CNTN5: variants seen among roughly 807,000 people sequenced by gnomAD.
The protein encoded by CNTN5 is contactin-5.
CNTN5 carries 77 observed loss-of-function variants against 129.1 expected under a neutral mutation model. That is an observed-to-expected ratio of 0.60 (90% CI 0.50 to 0.72). The LOEUF (loss-of-function observed/expected upper bound fraction) is 0.72. Among genes scored for constraint, CNTN5 ranks in the 30% least tolerant of loss-of-function variants. The pLI is 0.00. For synonymous variants in CNTN5, 509 were observed against 465.6 expected, an observed-to-expected ratio of 1.09 and a Z score of -1.20; for missense variants, 1,478 against 1,328.8, an observed-to-expected ratio of 1.11 and a Z score of -1.75.
rs1355311341 is a variant in CNTN5 at position 99,810,879 on chromosome 11, G to GT, written c.56-8658dup. On this transcript the variant is annotated intron_variant, in intron 3 of 24. Coordinates refer to ENST00000524871, the MANE Select transcript of CNTN5 (RefSeq NM_014361.4). ...CAGGCTTGGATATTGTATGTCTTCT[G>GT]TTTTTTTCTGTATACTCTGTCATGA... Among the ~76,000 whole-genome samples the GT allele has an allele frequency of 2.6e-5, 4 of 152,012 alleles. No individual in the cohort carries two copies. The East Asian group carries it at 5.8e-4, about 22-fold the overall frequency.
At chr11:99,545,206 T>C (rs758984852) in intron 2 of CNTN5, among the ~76,000 whole-genome samples, 1 of 152,204 alleles carries the variant, frequency 6.6e-6, no homozygotes, top group Non-Finnish European at 1.5e-5. Flanking sequence ...TGTATATGAC[T>C]CCTAAGGGTA....
intron 9 of CNTN5, among the ~76,000 whole-genome samples, chr11:100,009,533 C>T (rs981527571): frequency 1.3e-5 from 2 of 152,014 alleles, no homozygotes; most frequent in South Asian, 4.1e-4. Context: ...CAAGAGATTG[C>T]TCACAAGCTG....
intron 3 of CNTN5, among the ~76,000 whole-genome samples, chr11:99,565,553 C>T (rs1010653662): frequency 1.3e-5 from 2 of 152,098 alleles, no homozygotes; most frequent in Non-Finnish European, 2.9e-5. Context: ...GGAACCTTGT[C>T]CCTTGCTATT....
chr11:99,158,952 C>T (rs1352093063), intron 1 of CNTN5, among the ~76,000 whole-genome samples: 1 of 152,076 alleles, frequency 6.6e-6, no homozygotes, highest in African/African-American at 2.4e-5. Context: ...ATAATTCATT[C>T]TTATTACACC....
At chr11:99,315,732 T>C (rs1865311412) in intron 1 of CNTN5, among the ~76,000 whole-genome samples, 1 of 149,292 alleles carries the variant, frequency 6.7e-6, no homozygotes, top group African/African-American at 2.4e-5. Context: ...AGTTTTAGAA[T>C]GTAAATCGCG....
intron 7 of CNTN5, among the ~76,000 whole-genome samples, chr11:99,928,090 G>A (rs1165115644): frequency 6.6e-6 from 1 of 152,178 alleles, no homozygotes; most frequent in Admixed American, 6.5e-5. Flanking sequence ...AAATCTTAAA[G>A]GTTCAAAATG....
chr11:99,280,499 G>GA (rs925464114), intron 1 of CNTN5, among the ~76,000 whole-genome samples: 1 of 150,988 alleles, frequency 6.6e-6, no homozygotes, highest in East Asian at 1.9e-4. Flanking sequence ...GGTTTGACTA[G>GA]AAAAAAATTC....
At chr11:99,891,907 C>A (rs1340215952) in intron 6 of CNTN5, among the ~76,000 whole-genome samples, 2 of 152,208 alleles carry the variant, frequency 1.3e-5, no homozygotes, top group African/African-American at 2.4e-5. Context: ...AATCACCACA[C>A]TGTCTTCCAC....
intron 1 of CNTN5, among the ~76,000 whole-genome samples, chr11:99,233,226 A>T (rs1214421262): frequency 6.6e-6 from 1 of 152,198 alleles, no homozygotes; most frequent in African/African-American, 2.4e-5. Flanking sequence ...ACCCAGATAA[A>T]TATGCCATTC....
chr11:99,687,283 A>G lies in CNTN5; in HGVS notation c.55+131014A>G, dbSNP rs767558432. ...AACCCACAGAGACGCTTAATATTATATTAACAAGGTCAATATAATACCTCT... is the reference window on the plus strand; with the variant it reads ...AACCCACAGAGACGCTTAATATTATGTTAACAAGGTCAATATAATACCTCT... On this transcript the variant is annotated intron_variant, in intron 3 of 24. Coordinates refer to ENST00000524871, the MANE Select transcript of CNTN5 (RefSeq NM_014361.4). Among the ~76,000 whole-genome samples, 78 of 152,276 alleles carry G rather than the reference A, an allele frequency of 5.1e-4. 1 individual carries two copies. Among genetic ancestry groups the G allele is most frequent in the Non-Finnish European group, 2.5e-4 (17 of 68,002 alleles).
At chr11:99,885,684 A>G (rs1948883613) in intron 6 of CNTN5, among the ~76,000 whole-genome samples, 1 of 152,200 alleles carries the variant, frequency 6.6e-6, no homozygotes, top group African/African-American at 2.4e-5. Flanking sequence ...CATAATAATA[A>G]CATTTTTGTA....
At chr11:100,062,625 CAG>C (rs1000033507) in intron 10 of CNTN5, among the ~76,000 whole-genome samples, 38 of 152,132 alleles carry the variant, frequency 2.5e-4, no homozygotes, top group African/African-American at 9.2e-4. Flanking sequence ...TGTGGGAATG[CAG>C]AGTCTACTGC....
chr11:99,288,970 A>C (rs1056140371), intron 1 of CNTN5, among the ~76,000 whole-genome samples: 7 of 151,808 alleles, frequency 4.6e-5, no homozygotes, highest in African/African-American at 1.7e-4. Context: ...ATCCTCACAG[A>C]GCTATCATAA....
chr11:99,158,486 C>G (rs971362247), intron 1 of CNTN5, among the ~76,000 whole-genome samples: 1 of 152,054 alleles, frequency 6.6e-6, no homozygotes, highest in East Asian at 1.9e-4. Context: ...TTTGAGATAT[C>G]TGTTTTATTA....
chr11:99,398,908 C>T (rs7950817), intron 2 of CNTN5, among the ~76,000 whole-genome samples: 151,785 of 151,942 alleles, frequency 1, 75,815 homozygotes, highest in Non-Finnish European at 1. Flanking sequence ...AAAATCACAC[C>T]GTATCTGCTA....
At chr11:100,194,015 A>G (rs529870056) in intron 15 of CNTN5, among the ~76,000 whole-genome samples, 90 of 152,074 alleles carry the variant, frequency 5.9e-4, no homozygotes, top group African/African-American at 2.1e-3. Context: ...AATAAATAAA[A>G]TGCCTGCCTG....
At chr11:99,228,178 T>C (rs535539881) in intron 1 of CNTN5, among the ~76,000 whole-genome samples, 5 of 152,268 alleles carry the variant, frequency 3.3e-5, no homozygotes, top group Admixed American at 6.5e-5. Flanking sequence ...TGTATGAATA[T>C]GTGAACTTTT....
Position 99,332,101 on chromosome 11 carries a change from GCTAA to G in CNTN5, c.-71+6620_-71+6623del, listed in dbSNP as rs545633092. Among the ~76,000 whole-genome samples the G allele has an allele frequency of 8.9e-4, 135 of 152,144 alleles. 1 individual carries two copies. Among genetic ancestry groups the G allele is most frequent in the African/African-American group, 3.1e-3 (130 of 41,532 alleles). Reference sequence around the variant, plus strand: ...TGGGGTGATTTGTTATATAGCAATAGCTAACTGATAGAACTATTATTCACAAAAT... The same window carrying G: ...TGGGGTGATTTGTTATATAGCAATAGCTGATAGAACTATTATTCACAAAAT... On this transcript the variant is annotated intron_variant, in intron 2 of 24. Coordinates refer to ENST00000524871, the MANE Select transcript of CNTN5 (RefSeq NM_014361.4).
At chr11:99,190,980 C>T (rs1460293151) in intron 1 of CNTN5, among the ~76,000 whole-genome samples, 1 of 151,470 alleles carries the variant, frequency 6.6e-6, no homozygotes, top group East Asian at 1.9e-4. Context: ...GCTGTGTTTA[C>T]CATATATATT....
Sources: allele counts gnomAD v4.1 joint callset (sites outside exome capture counted in the v4.1 genomes callset), GRCh38; gene constraint gnomAD v4.1.1; transcripts MANE v1.5; gene names NCBI Gene and HGNC (gene_info 2026-07-23, HGNC 2026-07-21).